The following CCDC148 variants were observed in gnomAD, a reference collection of about 807,000 sequenced individuals.
CCDC148 encodes coiled-coil domain-containing protein 148.
CCDC148 carries 89 observed loss-of-function variants against 85.7 expected under a neutral mutation model. The ratio of observed to expected loss-of-function variants is 1.04; its 90% CI spans 0.87 to 1.24. CCDC148 has a LOEUF of 1.24. Ranked by LOEUF, CCDC148 falls within the 50% of genes most tolerant of loss-of-function variation. The pLI, the probability that CCDC148 is intolerant of heterozygous loss-of-function variation, is 0.00. For synonymous variants in CCDC148, 230 were observed against 213.9 expected, an observed-to-expected ratio of 1.08 and a Z score of -0.66; for missense variants, 692 against 671.7, an observed-to-expected ratio of 1.03 and a Z score of -0.33.
At chr2:158,328,758 TGGCCA>T (rs1451441715) in intron 7 of CCDC148, among the ~76,000 whole-genome samples, 6 of 152,238 alleles carry the variant, frequency 3.9e-5, no homozygotes, top group Admixed American at 2.6e-4. Flanking sequence ...ATTTCTCTGA[TGGCCA>T]GTGATGATGA....
intron 11 of CCDC148, among the ~76,000 whole-genome samples, chr2:158,204,450 G>A (rs1286300403): frequency 6.6e-6 from 1 of 151,726 alleles, no homozygotes; most frequent in Non-Finnish European, 1.5e-5. Flanking sequence ...GCCTTTTTTT[G>A]TTGGAAGACA....
At chr2:158,415,256 T>C (rs1456279492) in intron 1 of CCDC148, among the ~76,000 whole-genome samples, 1 of 152,048 alleles carries the variant, frequency 6.6e-6, no homozygotes, top group East Asian at 1.9e-4. Context: ...TCTACATGGC[T>C]GGAGCAGGAG....
rs1483321205 is a variant in CCDC148 at position 158,216,383 on chromosome 2, A to T, written c.1370+4212T>A. On this transcript the variant is annotated intron_variant, in intron 11 of 13. Coordinates refer to ENST00000283233, the MANE Select transcript of CCDC148 (RefSeq NM_138803.4). ...TTTAAGAACAGCAACAAAAAGCACA[A>T]TACTTTTTTTTTTTTTTTTTTTTTT... Among the ~76,000 whole-genome samples, 4 of 144,930 alleles carry T rather than the reference A, an allele frequency of 2.8e-5. No individual in the cohort carries two copies. In the East Asian group the frequency reaches 8.2e-4, roughly 30 times the overall value.
At chr2:158,244,744 G>A (rs1475595059) in intron 10 of CCDC148, among the ~76,000 whole-genome samples, 2 of 152,086 alleles carry the variant, frequency 1.3e-5, no homozygotes, top group African/African-American at 2.4e-5. Context: ...TGACCCAATC[G>A]TGGGAGTAAA....
intron 10 of CCDC148, among the ~76,000 whole-genome samples, chr2:158,228,051 C>G (rs1220929646): frequency 6.6e-6 from 1 of 152,144 alleles, no homozygotes; most frequent in East Asian, 1.9e-4. Context: ...ATTTTGCAAT[C>G]TACTTATCTG....
intron 1 of CCDC148, among the ~76,000 whole-genome samples, chr2:158,418,907 C>T (rs1456748327): frequency 6.6e-6 from 1 of 151,996 alleles, no homozygotes; most frequent in African/African-American, 2.4e-5. Context: ...TAACAGAAAA[C>T]AAAATTGTAA....
intron 9 of CCDC148, among the ~76,000 whole-genome samples, chr2:158,287,562 CA>C (rs1211374567): frequency 2.6e-5 from 4 of 152,136 alleles, no homozygotes; most frequent in African/African-American, 9.7e-5. Context: ...GCAGGGTAGT[CA>C]AATCTTAAAG....
chr2:158,291,503 T>C (rs72995478), intron 9 of CCDC148, among the ~76,000 whole-genome samples: 1,901 of 152,296 alleles, frequency 0.012, 46 homozygotes, highest in African/African-American at 0.043. Context: ...CTCTTCCCAA[T>C]GTCTAGAATG....
chr2:158,286,348 C>G (rs185151163), intron 9 of CCDC148, among the ~76,000 whole-genome samples: 78 of 152,154 alleles, frequency 5.1e-4, no homozygotes, highest in Non-Finnish European at 8.7e-4. Flanking sequence ...GACAAAACAA[C>G]TTTATAAGAG....
intron 9 of CCDC148, among the ~76,000 whole-genome samples, chr2:158,281,573 C>T (rs189894840): frequency 7.2e-5 from 11 of 152,168 alleles, no homozygotes; most frequent in Admixed American, 7.2e-4. Context: ...CAAGACTAAA[C>T]CAGGAAGAAG....
At chr2:158,291,088 G>A (rs571385668) in intron 9 of CCDC148, among the ~76,000 whole-genome samples, 1 of 151,398 alleles carries the variant, frequency 6.6e-6, no homozygotes, top group Non-Finnish European at 1.5e-5. Flanking sequence ...TGCCCCTAAC[G>A]TTCCCAGCTA....
chr2:158,221,633 A>G (rs1267888170), intron 10 of CCDC148, among the ~76,000 whole-genome samples: 1 of 152,160 alleles, frequency 6.6e-6, no homozygotes, highest in African/African-American at 2.4e-5. Flanking sequence ...GACAGAGGTG[A>G]ATAGGAAAAT....
chr2:158,194,551 G>T (rs1051283613), intron 11 of CCDC148, among the ~76,000 whole-genome samples: 5 of 152,124 alleles, frequency 3.3e-5, no homozygotes, highest in African/African-American at 1.2e-4. Flanking sequence ...GGATTCCTGG[G>T]CCTGCCCTAG....
chr2:158,277,302 G>A lies in CCDC148; in HGVS notation c.1111-26390C>T, dbSNP rs531931150. Among the ~76,000 whole-genome samples the A allele has an allele frequency of 6.2e-4, 94 of 152,274 alleles. 1 individual carries two copies. Among genetic ancestry groups the A allele is most frequent in the African/African-American group, 2.1e-3 (89 of 41,546 alleles). The stretch of plus-strand genomic sequence containing the variant: ...CAGGGTTGGCTATTTCATGCAAAAA[G>A]TCCTTTAAAGGATTTGGCCTACATT... On this transcript the variant is annotated intron_variant, in intron 9 of 13. Coordinates refer to ENST00000283233, the MANE Select transcript of CCDC148 (RefSeq NM_138803.4).
At chr2:158,363,809 G>T (rs1199246363) in intron 1 of CCDC148, among the ~76,000 whole-genome samples, 1 of 152,110 alleles carries the variant, frequency 6.6e-6, no homozygotes, top group Non-Finnish European at 1.5e-5. Flanking sequence ...GGAAGTTCTG[G>T]CCAGGGCAAT....
At chr2:158,285,781 C>T in intron 9 of CCDC148, among the ~76,000 whole-genome samples, 1 of 151,948 alleles carries the variant, frequency 6.6e-6, no homozygotes, top group East Asian at 1.9e-4. Context: ...CATGATCCAC[C>T]CGCCTCAGCC....
At chr2:158,216,949 G>A (rs1370194226) in intron 11 of CCDC148, among the ~76,000 whole-genome samples, 2 of 152,110 alleles carry the variant, frequency 1.3e-5, no homozygotes, top group African/African-American at 4.8e-5. Flanking sequence ...AGGTACAGAT[G>A]AGGAAACTGA....
At chr2:158,205,132 T>C (rs190322834) in intron 11 of CCDC148, among the ~76,000 whole-genome samples, 2 of 152,168 alleles carry the variant, frequency 1.3e-5, no homozygotes, top group African/African-American at 4.8e-5. Context: ...GCTGAAGTAG[T>C]GAGGTGTTGT....
chr2:158,206,508 C>T (rs1686253213), intron 11 of CCDC148, among the ~76,000 whole-genome samples: 1 of 152,102 alleles, frequency 6.6e-6, no homozygotes, highest in South Asian at 2.1e-4. Context: ...CAGAAATGTC[C>T]CTGAAAGGGG....
Sources: allele counts gnomAD v4.1 joint callset (sites outside exome capture counted in the v4.1 genomes callset), GRCh38; gene constraint gnomAD v4.1.1; transcripts MANE v1.5; gene names NCBI Gene and HGNC (gene_info 2026-07-23, HGNC 2026-07-21).